Variants in EYS observed in about 807,000 individuals in gnomAD.
EYS encodes the protein EGF-like photoreceptor maintenance factor, also known as protein eyes shut homolog.
Under a neutral mutation model 282.1 loss-of-function variants are expected in EYS, and 250 were observed. The observed-to-expected ratio is 0.89, with a 90% CI of 0.80 to 0.98. EYS has a LOEUF of 0.98. Among genes scored for constraint, EYS ranks in the 50% least tolerant of loss-of-function variants. The pLI, the probability that EYS is intolerant of heterozygous loss-of-function variation, is 0.00. For missense variants in EYS, 4,016 were observed against 3,709.0 expected (o/e 1.08, Z -2.15); for synonymous variants, 1,355 against 1,282.9 (o/e 1.06, Z -1.20).
At chr6:64,949,621 C>G (rs1005541590) in intron 14 of EYS, among the ~76,000 whole-genome samples, 2 of 151,870 alleles carry the variant, frequency 1.3e-5, no homozygotes, top group African/African-American at 4.8e-5. Flanking sequence ...GTTAATAACA[C>G]TGTAAAATCT....
intron 30 of EYS, among the ~76,000 whole-genome samples, chr6:64,255,939 T>C (rs7773042): frequency 0.69 from 103,783 of 151,174 alleles, 35,626 homozygotes; most frequent in South Asian, 0.71. Flanking sequence ...AAAAAAAAGT[T>C]CATTGGTCTT....
chr6:65,098,184 C>A (rs1276242776), intron 12 of EYS, among the ~76,000 whole-genome samples: 1 of 150,286 alleles, frequency 6.7e-6, no homozygotes, highest in Non-Finnish European at 1.5e-5. Context: ...TTTTCCATTG[C>A]AGTAGTCAGG....
chr6:65,604,030 C>T (rs1929323), intron 2 of EYS, among the ~76,000 whole-genome samples: 117,556 of 151,670 alleles, frequency 0.78, 45,679 homozygotes, highest in Middle Eastern at 0.82. Flanking sequence ...TATTTTCAAA[C>T]TGTACTTTTT....
At chr6:65,560,678 G>A (rs1022688037) in intron 2 of EYS, among the ~76,000 whole-genome samples, 1 of 151,548 alleles carries the variant, frequency 6.6e-6, no homozygotes, top group African/African-American at 2.4e-5. Context: ...GAATCTAAAA[G>A]CACACAACTT....
rs191957009 is a variant in EYS at position 65,115,573 on chromosome 6, T to C, written c.2024-57846A>G. Among the ~76,000 whole-genome samples the C allele has an allele frequency of 6.2e-3, 937 of 152,232 alleles. 11 individuals are homozygous for C. Among genetic ancestry groups the C allele is most frequent in the African/African-American group, 0.021 (889 of 41,552 alleles). Reference sequence around the variant, plus strand: ...AAATTTATATATTACATCTTATCTTTTCATTAGGTACATTCATAGCTAAGC... The same window carrying C: ...AAATTTATATATTACATCTTATCTTCTCATTAGGTACATTCATAGCTAAGC... On this transcript the variant is annotated intron_variant, in intron 12 of 42. Transcript: ENST00000503581.
chr6:65,117,319 T>C (rs1295602601), intron 12 of EYS, among the ~76,000 whole-genome samples: 1 of 152,192 alleles, frequency 6.6e-6, no homozygotes, highest in African/African-American at 2.4e-5. Context: ...TTATGTACCA[T>C]CATTTCCATA....
chr6:64,320,716 C>T (rs1770185518), intron 29 of EYS, among the ~76,000 whole-genome samples: 1 of 151,482 alleles, frequency 6.6e-6, no homozygotes, highest in South Asian at 2.1e-4. Flanking sequence ...GCCACAGTTT[C>T]CCACAAATTT....
intron 15 of EYS, among the ~76,000 whole-genome samples, chr6:64,920,501 GT>G (rs1182777632): frequency 6.6e-6 from 1 of 151,962 alleles, no homozygotes; most frequent in Non-Finnish European, 1.5e-5. Flanking sequence ...TCTGGCTCCT[GT>G]TTTTTTCCAA....
chr6:64,689,368 A>C (rs1770283937), intron 22 of EYS, among the ~76,000 whole-genome samples: 1 of 152,206 alleles, frequency 6.6e-6, no homozygotes, highest in Non-Finnish European at 1.5e-5. Context: ...GATAGGAAGA[A>C]TCAATATCAT....
intron 24 of EYS, among the ~76,000 whole-genome samples, chr6:64,601,961 C>T (rs1415247478): frequency 6.6e-6 from 1 of 151,906 alleles, no homozygotes; most frequent in East Asian, 1.9e-4. Context: ...CACATCCATA[C>T]CCTCACTCTT....
intron 31 of EYS, among the ~76,000 whole-genome samples, chr6:64,199,032 G>A (rs574134586): frequency 2.6e-4 from 39 of 152,256 alleles, no homozygotes; most frequent in African/African-American, 9.4e-4. Context: ...ACTGGCATGA[G>A]ATGGTTACTT....
intron 29 of EYS, among the ~76,000 whole-genome samples, chr6:64,341,652 C>T (rs955972903): frequency 1.3e-5 from 2 of 151,678 alleles, no homozygotes; most frequent in Non-Finnish European, 3.0e-5. Context: ...CACATTTACC[C>T]CCTCTTTATT....
chr6:65,319,527 C>A (rs1173116344), intron 11 of EYS, among the ~76,000 whole-genome samples: 3 of 152,050 alleles, frequency 2.0e-5, no homozygotes, highest in East Asian at 3.9e-4. Context: ...CTTGGCCTTA[C>A]TTCTTATTCC....
intron 19 of EYS, among the ~76,000 whole-genome samples, chr6:64,873,145 A>G (rs1766645494): frequency 6.6e-6 from 1 of 152,104 alleles, no homozygotes; most frequent in South Asian, 2.1e-4. Flanking sequence ...ACTGTTCCAC[A>G]TGGCTGGGGA....
At chr6:65,704,707 T>C (rs2149855193) in intron 1 of EYS, among the ~76,000 whole-genome samples, 1 of 152,308 alleles carries the variant, frequency 6.6e-6, no homozygotes, top group East Asian at 1.9e-4. Context: ...GTTAGCACCA[T>C]GAATTTAGTA....
chr6:65,641,484 G>A (rs910608670), intron 1 of EYS, among the ~76,000 whole-genome samples: 2 of 152,190 alleles, frequency 1.3e-5, no homozygotes, highest in African/African-American at 4.8e-5. Flanking sequence ...CTTCAGAGAG[G>A]AGGAGAGCAA....
chr6:65,164,217 G>C (rs1378819296), intron 12 of EYS, among the ~76,000 whole-genome samples: 2 of 151,270 alleles, frequency 1.3e-5, no homozygotes, highest in Non-Finnish European at 3.0e-5. Context: ...TTTGTTTTAT[G>C]GCTTGGAGTA....
chr6:65,000,047 G>A (rs577382672), intron 13 of EYS, among the ~76,000 whole-genome samples: 1 of 152,148 alleles, frequency 6.6e-6, no homozygotes. Flanking sequence ...AACACAAGCC[G>A]CCTATAGATG....
chr6:63,836,684 A>T (rs952200947), intron 36 of EYS, among the ~76,000 whole-genome samples: 12 of 152,042 alleles, frequency 7.9e-5, no homozygotes, highest in East Asian at 3.9e-4. Context: ...ATTAAAAAAA[A>T]TTTTTTGGCA....
Sources: gnomAD v4.1 joint callset for allele counts (sites outside exome capture counted in the v4.1 genomes callset) on GRCh38, gnomAD v4.1.1 for gene constraint, MANE v1.5 for transcripts, NCBI Gene and HGNC (gene_info 2026-07-23, HGNC 2026-07-21) for gene names.